Variants in ERC2 observed in about 807,000 individuals in gnomAD.
ERC2 encodes ELKS/RAB6-interacting/CAST family member 2.
ERC2 carries 42 observed loss-of-function variants against 114.8 expected under a neutral mutation model. That is an observed-to-expected ratio of 0.37 (90% CI 0.29 to 0.47). The LOEUF is 0.47. Ranked by LOEUF, ERC2 falls within the 20% of genes least tolerant of loss-of-function variation. The probability of loss-of-function intolerance (pLI) is 0.99; values close to 1 mark genes in which losing one functional copy is unlikely to be tolerated. For synonymous variants in ERC2, 454 were observed against 425.5 expected, an observed-to-expected ratio of 1.07 and a Z score of -0.82; for missense variants, 939 against 1,150.7, an observed-to-expected ratio of 0.82 and a Z score of 2.66.
chr3:55,691,559 AAAAAAAAAAAAAAAATATATAT>A (rs1168104716), intron 16 of ERC2, among the ~76,000 whole-genome samples: 28 of 79,438 alleles, frequency 3.5e-4, no homozygotes, highest in African/African-American at 1.3e-3. Context: ...AAAAAAAAAA[AAAAAAAAAAAAAAAATATATAT>A]ATATATATAT....
At chr3:55,970,620 A>G (rs1310214798) in intron 12 of ERC2, among the ~76,000 whole-genome samples, 1 of 152,172 alleles carries the variant, frequency 6.6e-6, no homozygotes, top group Non-Finnish European at 1.5e-5. Context: ...AGAAAAATGT[A>G]AATCAAAACC....
chr3:55,640,585 C>T (rs369900941), intron 17 of ERC2, among the ~76,000 whole-genome samples: 31 of 152,184 alleles, frequency 2.0e-4, no homozygotes, highest in Admixed American at 8.5e-4. Context: ...GAGACTGAAC[C>T]AGTCCATGAT....
At position 55,640,634 on chromosome 3, in the gene ERC2, G is replaced by A. The variant is rs145612121; in HGVS notation, c.*39+43160C>T. Among the ~76,000 whole-genome samples, 658 of 152,268 alleles carry A rather than the reference G, an allele frequency of 4.3e-3. 5 individuals carry two copies. The highest frequency in any genetic ancestry group is 0.015 in the African/African-American group (606 of 41,556). On this transcript the variant is annotated intron_variant, in intron 17 of 17. Transcript: ENST00000288221. ...CACGGAGGCTGTGGTAAGGGCATGA[G>A]GAAGGTAAAGAACATTGAATGAGAG...
At chr3:55,759,618 TG>T (rs1396314134) in intron 14 of ERC2, among the ~76,000 whole-genome samples, 7 of 152,090 alleles carry the variant, frequency 4.6e-5, no homozygotes, top group Non-Finnish European at 1.0e-4. Flanking sequence ...TGATGAAGAT[TG>T]TTTTTTTCTT....
At chr3:56,222,591 A>G (rs1340920831) in intron 3 of ERC2, among the ~76,000 whole-genome samples, 2 of 152,124 alleles carry the variant, frequency 1.3e-5, no homozygotes, top group African/African-American at 2.4e-5. Context: ...TTTCTGAACC[A>G]TCTACTCATA....
intron 17 of ERC2, chr3:55,659,422 TG>T (rs1440041886): frequency 6.6e-6 from 1 of 152,216 alleles, no homozygotes; most frequent in Non-Finnish European, 1.5e-5. Flanking sequence ...ACAAACCCCG[TG>T]GCCCCTCCTC....
intron 17 of ERC2, among the ~76,000 whole-genome samples, chr3:55,680,208 C>T (rs1020456996): frequency 4.1e-4 from 63 of 152,146 alleles, no homozygotes; most frequent in African/African-American, 1.3e-3. Flanking sequence ...TTTTATGAAT[C>T]GGGTCCTAAA....
At chr3:55,553,375 G>A (rs959292477) in intron 17 of ERC2, among the ~76,000 whole-genome samples, 1 of 151,894 alleles carries the variant, frequency 6.6e-6, no homozygotes, top group African/African-American at 2.4e-5. Flanking sequence ...AAAATGCACT[G>A]GCACTATGCT....
At chr3:56,351,533 G>C (rs1028198802) in intron 2 of ERC2, among the ~76,000 whole-genome samples, 1 of 152,168 alleles carries the variant, frequency 6.6e-6, no homozygotes, top group African/African-American at 2.4e-5. Flanking sequence ...GAAAAAGAAA[G>C]AAAGAAAACT....
intron 17 of ERC2, among the ~76,000 whole-genome samples, chr3:55,568,176 A>G (rs529682200): frequency 1.3e-5 from 2 of 152,352 alleles, no homozygotes; most frequent in African/African-American, 4.8e-5. Flanking sequence ...TTATTGAGAC[A>G]GAAATCTCAT....
At position 55,734,934 on chromosome 3, in the gene ERC2, T is replaced by G. The variant is rs1245213604; in HGVS notation, c.2565-16A>C. 5 of 1,531,178 alleles carry G rather than the reference T, an allele frequency of 3.3e-6. No individual in the cohort carries two copies. Among genetic ancestry groups the G allele is most frequent in the Non-Finnish European group, 4.4e-6 (5 of 1,141,952 alleles). The allele number at this position is 1,531,178 out of a possible 1,614,324, so 94.8% of individuals were successfully genotyped here. A position where few individuals can be genotyped will look rare whatever the true frequency, so the allele number is the denominator to read the frequency against. Reference sequence around the variant, plus strand: ...TGCTTCCTGTCTGGTAAAATAAAGATTATTGAGATCATTTTTGTAAAATAA... The same window carrying G: ...TGCTTCCTGTCTGGTAAAATAAAGAGTATTGAGATCATTTTTGTAAAATAA... On this transcript the variant is annotated splice_polypyrimidine_tract_variant and intron_variant, in intron 14 of 17. Coordinates refer to ENST00000288221, the MANE Select transcript of ERC2 (RefSeq NM_015576.3).
chr3:56,005,890 G>A (rs2072443636), intron 10 of ERC2, among the ~76,000 whole-genome samples: 1 of 151,898 alleles, frequency 6.6e-6, no homozygotes, highest in Non-Finnish European at 1.5e-5. Flanking sequence ...CATTTATATA[G>A]GTCAGGAATG....
chr3:56,434,370 A>G lies in ERC2; in HGVS notation c.638T>C (p.Val213Ala), dbSNP rs528221353. 6.2e-7 allele frequency: 1 copy of G among 1,613,370 alleles called. No homozygotes were observed. The highest frequency in any genetic ancestry group is 1.3e-5 in the African/African-American group (1 of 74,922). ...ACCTACCTGATTTTCTTCATGGGAA[A>G]CCCTCATCTGCTCCTTGAGGACAGA... is the stretch of plus-strand genomic sequence containing the variant. ...RMSVLKEQMR[V>A]SHEENQHLQL... The change falls in exon 2 of 18, where the codon GTT becomes GCT. Residue 213 changes from valine (V) to alanine (A), a missense_variant. By Grantham distance (64) the Val-to-Ala change is moderately conservative (BLOSUM62 0). This residue lies in a region of ERC2 where 281 missense variants were observed against 307.4 expected (regional missense o/e 0.91). Transcript: ENST00000288221.
intron 14 of ERC2, among the ~76,000 whole-genome samples, chr3:55,790,644 T>G (rs528014003): frequency 6.6e-6 from 1 of 152,322 alleles, no homozygotes; most frequent in South Asian, 2.1e-4. Context: ...GATAAGCTAC[T>G]TGTATTCAAA....
At chr3:56,323,892 C>G (rs1245691106) in intron 2 of ERC2, among the ~76,000 whole-genome samples, 2 of 152,192 alleles carry the variant, frequency 1.3e-5, no homozygotes, top group African/African-American at 4.8e-5. Flanking sequence ...TCGCAAGATT[C>G]TGCTGACAGA....
intron 14 of ERC2, among the ~76,000 whole-genome samples, chr3:55,760,894 T>TAA (rs1162849666): frequency 6.6e-6 from 1 of 152,170 alleles, no homozygotes; most frequent in Non-Finnish European, 1.5e-5. Context: ...TAGGAGAGCC[T>TAA]AAAGGGCATG....
At chr3:56,231,101 G>T (rs2050589265) in intron 3 of ERC2, among the ~76,000 whole-genome samples, 3 of 152,182 alleles carry the variant, frequency 2.0e-5, no homozygotes, top group Admixed American at 6.5e-5. Flanking sequence ...ATTCAAACTA[G>T]GACAGTCTGA....
intron 17 of ERC2, among the ~76,000 whole-genome samples, chr3:55,534,636 C>T (rs2053878682): frequency 6.6e-6 from 1 of 152,048 alleles, no homozygotes; most frequent in African/African-American, 2.4e-5. Flanking sequence ...GTCGAGGCTG[C>T]AGTGAGCTGA....
chr3:55,938,167 T>C (rs1291187315), intron 13 of ERC2, among the ~76,000 whole-genome samples: 1 of 152,202 alleles, frequency 6.6e-6, no homozygotes, highest in East Asian at 1.9e-4. Flanking sequence ...AGAGGTTCTT[T>C]CAGAGCCCAA....
Sources: allele counts gnomAD v4.1 joint callset (sites outside exome capture counted in the v4.1 genomes callset), GRCh38; gene constraint gnomAD v4.1.1; regional missense constraint gnomAD v4.1.1; transcripts MANE v1.5; gene names NCBI Gene and HGNC (gene_info 2026-07-23, HGNC 2026-07-21).